The following ENO4 variants were observed in gnomAD, a reference collection of about 807,000 sequenced individuals.
ENO4 encodes enolase 4, also known as 2-phospho-D-glycerate hydro-lyase.
In ENO4, 53 loss-of-function variants were observed where a neutral mutation model predicts 63.2. That is an observed-to-expected ratio of 0.84 (90% CI 0.67 to 1.05). The LOEUF (loss-of-function observed/expected upper bound fraction) is 1.05, where lower values mean the gene tolerates loss of function less well. ENO4 is among the 50% of genes least tolerant of loss of function. The pLI is 0.00. For missense variants in ENO4, 719 were observed against 772.0 expected, an observed-to-expected ratio of 0.93 and a Z score of 0.81; for synonymous variants, 266 against 283.8, an observed-to-expected ratio of 0.94 and a Z score of 0.63.
At position 116,871,359 on chromosome 10, in the gene ENO4, A is replaced by T. The variant is rs981675046; in HGVS notation, c.1215+67A>T. ...ATGATTTTTAAATTAGAACTCAGAA[A>T]AAAAAGAGCTTATCTGAATATTGTC... is the stretch of plus-strand genomic sequence containing the variant. On this transcript the variant is annotated intron_variant, in intron 9 of 13. Coordinates refer to ENST00000341276, the MANE Select transcript of ENO4 (RefSeq NM_001242699.2). 7.6e-6 allele frequency: 10 copies of T among 1,323,068 alleles called. No individual in the cohort carries two copies. The African/African-American group carries it at 1.3e-4, about 18-fold the overall frequency. 82.0% of individuals were successfully genotyped at this position (1,323,068 alleles called of 1,614,324 possible).
At chr10:116,876,300 G>C (rs1402618097) in intron 11 of ENO4, 40 bp downstream of exon 11, 1 of 1,437,184 alleles carries the variant, frequency 7.0e-7, no homozygotes, top group Admixed American at 2.8e-5. Flanking sequence ...GTAATGACTT[G>C]GTTATACAAG....
chr10:116,883,803 G>A (rs1178218562), downstream of ENO4: 1 of 164,530 alleles, frequency 6.1e-6, no homozygotes. Context: ...ATGCCTGCCA[G>A]TCAGAACTTC....
chr10:116,867,357 T>A (rs1846573133), intron 7 of ENO4, among the ~76,000 whole-genome samples: 1 of 151,342 alleles, frequency 6.6e-6, no homozygotes, highest in South Asian at 2.1e-4. Flanking sequence ...TTGCATTTTT[T>A]ATGATTAAAA....
intron 7 of ENO4, among the ~76,000 whole-genome samples, chr10:116,865,853 T>C (rs1846536117): frequency 6.6e-6 from 1 of 152,248 alleles, no homozygotes; most frequent in Non-Finnish European, 1.5e-5. Flanking sequence ...TGTGCCTTGT[T>C]TCATAAGGGG....
chr10:116,905,105 G>T (rs1422268604), intron 10 of ENO4, among the ~76,000 whole-genome samples: 5 of 151,450 alleles, frequency 3.3e-5, no homozygotes, highest in African/African-American at 4.9e-5. Context: ...GGAGGCTGAG[G>T]CAGGAGAATG....
intron 6 of ENO4, 130 bp from the exon 7 acceptor site, chr10:116,862,669 G>A: frequency 1.6e-6 from 1 of 637,636 alleles, no homozygotes; most frequent in Admixed American, 2.8e-5. Flanking sequence ...TACTGATTTT[G>A]TAGAGCATAT....
intron 10 of ENO4, chr10:116,900,702 T>C (rs1847699854): frequency 1.0e-6 from 1 of 984,830 alleles, no homozygotes; most frequent in Non-Finnish European, 1.2e-6. Flanking sequence ...ATAGGAAAGA[T>C]GGAGAATGAA....
chr10:116,853,658 A>T (rs986882216), intron 1 of ENO4, among the ~76,000 whole-genome samples: 2 of 152,180 alleles, frequency 1.3e-5, no homozygotes, highest in Non-Finnish European at 2.9e-5. Flanking sequence ...GTTAAACTGA[A>T]CTCACTATAA....
chr10:116,872,696 C>A (rs553728232), intron 9 of ENO4, among the ~76,000 whole-genome samples: 1 of 152,260 alleles, frequency 6.6e-6, no homozygotes, highest in East Asian at 1.9e-4. Flanking sequence ...TTCAAATACA[C>A]AAAAATGTTG....
At chr10:116,866,907 T>G (rs914981400) in intron 7 of ENO4, among the ~76,000 whole-genome samples, 1 of 152,166 alleles carries the variant, frequency 6.6e-6, no homozygotes, top group Admixed American at 6.5e-5. Context: ...AGAAAGATGT[T>G]TAATCCTTCC....
In ENO4 at chr10:116,862,833, T is replaced by C. The variant is rs1246822257; in HGVS notation, c.971T>C (p.Ile324Thr). The change falls in exon 7 of 14, where the codon ATC (isoleucine) becomes ACC (threonine). Residue 324 changes from isoleucine to threonine, a missense_variant. Transcript: ENST00000341276. ...ATGCTTATGGAAATGCAGAAACATA[T>C]CAACAAAATAATTGAAATGGTATGT... ...VEMLMEMQKHINKIIEMPSPP... is the reference protein window; with the variant it reads ...VEMLMEMQKHTNKIIEMPSPP... 1 of 1,548,818 alleles carries C rather than the reference T, an allele frequency of 6.5e-7. No homozygotes were observed.
At chr10:116,855,818 T>G (rs1300228846) in intron 2 of ENO4, 67 bp downstream of exon 2, 2 of 1,423,756 alleles carry the variant, frequency 1.4e-6, no homozygotes, top group East Asian at 5.0e-5. Context: ...AACACTTGTC[T>G]AAGCTGTAGA....
chr10:116,901,408 C>T (rs1415236661), intron 10 of ENO4: 2 of 985,216 alleles, frequency 2.0e-6, no homozygotes, highest in Non-Finnish European at 2.4e-6. Flanking sequence ...CTAGTATCTT[C>T]TTGGGCTGCT....
At chr10:116,882,967 A>AAT (rs1439080568), downstream of ENO4, 1 of 136,666 alleles carries the variant, frequency 7.3e-6, no homozygotes, top group East Asian at 2.0e-4. Flanking sequence ...CCCTTTGAAA[A>AAT]ATACACACAC....
chr10:116,855,438 A>C (rs1226295074), intron 1 of ENO4, among the ~76,000 whole-genome samples, 185 bp from the exon 2 acceptor site: 2 of 152,204 alleles, frequency 1.3e-5, no homozygotes, highest in Non-Finnish European at 2.9e-5. Flanking sequence ...ATGTAAGGGC[A>C]GGGCAGTTCT....
At chr10:116,900,609 C>A (rs1847696443) in intron 10 of ENO4, 1 of 1,528,518 alleles carries the variant, frequency 6.5e-7, no homozygotes, top group Non-Finnish European at 8.7e-7. Flanking sequence ...ACTAACTTGT[C>A]TCAGCCAAAT....
At chr10:116,903,298 C>T (rs951062458) in intron 10 of ENO4, among the ~76,000 whole-genome samples, 7 of 152,026 alleles carry the variant, frequency 4.6e-5, no homozygotes, top group African/African-American at 7.2e-5. Flanking sequence ...TTTGAGAGGC[C>T]GAGGCAGGCG....
intron 10 of ENO4, among the ~76,000 whole-genome samples, chr10:116,896,266 G>T (rs1847516059): frequency 6.6e-6 from 1 of 152,134 alleles, no homozygotes; most frequent in Non-Finnish European, 1.5e-5. Context: ...TCTCACATAG[G>T]ATTAAAATGG....
intron 1 of ENO4, chr10:116,850,030 C>A: frequency 1.8e-6 from 1 of 558,834 alleles, no homozygotes; most frequent in Non-Finnish European, 3.2e-6. Flanking sequence ...GCCTAAGAGG[C>A]CTCTCCGTTT....
Sources: gnomAD v4.1 joint callset for allele counts (sites outside exome capture counted in the v4.1 genomes callset) on GRCh38, gnomAD v4.1.1 for gene constraint, MANE v1.5 for transcripts, NCBI Gene and HGNC (gene_info 2026-07-23, HGNC 2026-07-21) for gene names.